MIR2052HG: variants seen among roughly 807,000 people sequenced by gnomAD.
MIR2052HG encodes the protein MIR2052 host gene.
intron 1 of MIR2052HG, chr8:74,609,955 T>C (rs541111828): frequency 9.9e-5 from 15 of 151,624 alleles, no homozygotes; most frequent in African/African-American, 3.1e-4. Flanking sequence ...TTCCAGCTAG[T>C]GCACTAAAAC....
intron 2 of MIR2052HG, among the ~76,000 whole-genome samples, chr8:74,690,812 T>C (rs1447775318): frequency 6.6e-6 from 1 of 151,880 alleles, no homozygotes; most frequent in Non-Finnish European, 1.5e-5. Flanking sequence ...AGGCAATAAA[T>C]GGAACCAGGA....
intron 2 of MIR2052HG, among the ~76,000 whole-genome samples, chr8:74,615,755 T>C (rs1808271933): frequency 6.6e-6 from 1 of 151,994 alleles, no homozygotes; most frequent in Non-Finnish European, 1.5e-5. Context: ...ATACTATCCT[T>C]CCCCACTCCC....
chr8:74,705,050 CTT>C (rs1305568974), intron 4 of MIR2052HG, among the ~76,000 whole-genome samples: 3 of 145,056 alleles, frequency 2.1e-5, no homozygotes, highest in African/African-American at 5.0e-5. Context: ...TTTATTCTTT[CTT>C]TTTTTTTTTT....
At chr8:74,693,092 A>C (rs1365629411) in intron 2 of MIR2052HG, among the ~76,000 whole-genome samples, 1 of 152,236 alleles carries the variant, frequency 6.6e-6, no homozygotes, top group Non-Finnish European at 1.5e-5. Flanking sequence ...TGGCGTCAGA[A>C]AACACAGACT....
At chr8:74,604,305 G>T in intron 1 of MIR2052HG, 1 of 698,974 alleles carries the variant, frequency 1.4e-6, no homozygotes, top group Admixed American at 1.9e-5. Flanking sequence ...ACTGATGGGG[G>T]GTGAAAGCCA....
At chr8:74,640,155 C>T (rs73337272) in intron 2 of MIR2052HG, among the ~76,000 whole-genome samples, 3,695 of 152,054 alleles carry the variant, frequency 0.024, 136 homozygotes, top group African/African-American at 0.08. Context: ...TCTCTCAATG[C>T]GGAAATAAGG....
chr8:74,701,332 T>A (rs1333565373), intron 2 of MIR2052HG, among the ~76,000 whole-genome samples: 2 of 152,270 alleles, frequency 1.3e-5, no homozygotes, highest in African/African-American at 2.4e-5. Flanking sequence ...GAACATTTTT[T>A]AAAATGTAGT....
At chr8:74,694,345 A>C (rs1443398797) in intron 2 of MIR2052HG, among the ~76,000 whole-genome samples, 1 of 152,214 alleles carries the variant, frequency 6.6e-6, no homozygotes, top group Non-Finnish European at 1.5e-5. Flanking sequence ...CATGGAACAA[A>C]ATAATCTGAA....
At chr8:74,625,049 T>C (rs561272789) in intron 2 of MIR2052HG, among the ~76,000 whole-genome samples, 1 of 152,182 alleles carries the variant, frequency 6.6e-6, no homozygotes, top group African/African-American at 2.4e-5. Flanking sequence ...TAACCTGCTG[T>C]TATGGAACCT....
chr8:74,602,865 C>CTTTCTTTCTTTCTTTG (rs879678607), intron 1 of MIR2052HG, among the ~76,000 whole-genome samples: 8 of 142,660 alleles, frequency 5.6e-5, no homozygotes, highest in African/African-American at 1.6e-4. Context: ...TTCTTTCTTT[C>CTTTCTTTCTTTCTTTG]TTTCTTTCTT....
intron 2 of MIR2052HG, among the ~76,000 whole-genome samples, chr8:74,616,227 T>A (rs929976092): frequency 8.6e-5 from 13 of 151,774 alleles, no homozygotes; most frequent in African/African-American, 3.1e-4. Flanking sequence ...ACAGTCCCAC[T>A]AACAGTGTAA....
rs10095353 is a variant in MIR2052HG at position 74,628,293 on chromosome 8, T to G, written n.216+15353T>G. On this transcript the variant is annotated intron_variant and non_coding_transcript_variant, in intron 2 of 6. Coordinates refer to ENST00000523442, the Ensembl canonical transcript of MIR2052HG. ...TTGTATGAAAGCAGAAACTAAACATTCGTTCAAGGGCTTGGATGGTCCAAA... is the reference window on the plus strand; with the variant it reads ...TTGTATGAAAGCAGAAACTAAACATGCGTTCAAGGGCTTGGATGGTCCAAA... Among the ~76,000 whole-genome samples the G allele has an allele frequency of 7.7e-3, 1,165 of 152,150 alleles. 11 individuals carry two copies. The highest frequency in any genetic ancestry group is 0.027 in the African/African-American group (1,111 of 41,484).
chr8:74,668,035 A>G (rs1808949976), intron 2 of MIR2052HG, among the ~76,000 whole-genome samples: 1 of 151,860 alleles, frequency 6.6e-6, no homozygotes, highest in Admixed American at 6.6e-5. Context: ...GGAAAAAAAA[A>G]AAAACCCAGT....
At chr8:74,682,895 G>A (rs952530604) in intron 2 of MIR2052HG, among the ~76,000 whole-genome samples, 5 of 151,998 alleles carry the variant, frequency 3.3e-5, no homozygotes, top group Non-Finnish European at 7.4e-5. Context: ...TTGAAATTAT[G>A]GTTCATTCAC....
At chr8:74,691,615 C>CA (rs1402882350) in intron 2 of MIR2052HG, among the ~76,000 whole-genome samples, 1 of 152,252 alleles carries the variant, frequency 6.6e-6, no homozygotes, top group African/African-American at 2.4e-5. Flanking sequence ...GGTGGAAACC[C>CA]AATTCCATGC....
intron 4 of MIR2052HG, among the ~76,000 whole-genome samples, chr8:74,719,736 C>T (rs1435661265): frequency 1.3e-5 from 2 of 152,000 alleles, no homozygotes; most frequent in South Asian, 2.1e-4. Flanking sequence ...GCTGGTTCTC[C>T]TCATCTGTTA....
chr8:74,751,099 A>G (rs1340562663), intron 4 of MIR2052HG, among the ~76,000 whole-genome samples: 1 of 152,222 alleles, frequency 6.6e-6, no homozygotes, highest in Non-Finnish European at 1.5e-5. Context: ...CACAAAATCA[A>G]TGCTGGTGGC....
rs377218573 is a variant in MIR2052HG, at chr8:74,605,673, G to A, written n.128+5765G>A. ...ATTTTAGCACTTTGTAAATAATCAAGTTATTTGTACTGAAAGAGTTCCAAC... is the reference window on the plus strand; with the variant it reads ...ATTTTAGCACTTTGTAAATAATCAAATTATTTGTACTGAAAGAGTTCCAAC... On this transcript the variant is annotated intron_variant and non_coding_transcript_variant, in intron 1 of 6. Coordinates refer to ENST00000523442, the Ensembl canonical transcript of MIR2052HG. 1.7e-3 allele frequency among the ~76,000 whole-genome samples: 257 copies of A among 152,034 alleles called. 9 individuals carry two copies. The South Asian group carries it at 0.051, about 30-fold the overall frequency.
chr8:74,635,164 T>C (rs1332798326), intron 2 of MIR2052HG, among the ~76,000 whole-genome samples: 2 of 151,950 alleles, frequency 1.3e-5, no homozygotes, highest in African/African-American at 2.4e-5. Context: ...AGTTCCACAA[T>C]TGTAGAATTA....
Sources: allele counts gnomAD v4.1 joint callset (sites outside exome capture counted in the v4.1 genomes callset), GRCh38; gene constraint gnomAD v4.1.1; transcripts MANE v1.5; gene names NCBI Gene and HGNC (gene_info 2026-07-23, HGNC 2026-07-21).